STIM2: variants seen among roughly 807,000 people sequenced by gnomAD.
STIM2 encodes stromal interaction molecule 2.
STIM2 carries 31 observed loss-of-function variants against 85.8 expected under a neutral mutation model. That is an observed-to-expected ratio of 0.36 (90% confidence interval 0.27 to 0.49). The LOEUF (loss-of-function observed/expected upper bound fraction) is 0.49. STIM2 is among the 20% of genes least tolerant of loss of function. STIM2 has a pLI of 0.98. For missense variants in STIM2, 841 were observed against 927.6 expected (o/e 0.91, Z 1.21); for synonymous variants, 356 against 331.1 (o/e 1.08, Z -0.82).
At chr4:26,971,601 A>G (rs1056812534) in intron 3 of STIM2, among the ~76,000 whole-genome samples, 14 of 152,278 alleles carry the variant, frequency 9.2e-5, no homozygotes, top group African/African-American at 2.4e-4. Context: ...CCATTGGTCT[A>G]TATATCTGCT....
intron 1 of STIM2, among the ~76,000 whole-genome samples, chr4:26,911,290 A>G (rs1724330319): frequency 2.0e-5 from 3 of 152,152 alleles, no homozygotes; most frequent in South Asian, 2.1e-4. Flanking sequence ...AAAATGAAAT[A>G]AAACATTTGA....
chr4:26,877,627 T>G (rs956375754), intron 1 of STIM2, among the ~76,000 whole-genome samples: 5 of 152,074 alleles, frequency 3.3e-5, no homozygotes, highest in Non-Finnish European at 1.5e-5. Context: ...GTAGGTTGAG[T>G]TAGTTTTGTC....
chr4:26,978,243 T>C (rs1033210363), intron 3 of STIM2, among the ~76,000 whole-genome samples: 1 of 148,588 alleles, frequency 6.7e-6, no homozygotes, highest in African/African-American at 2.4e-5. Context: ...TATACATATA[T>C]ACACATATAT....
intron 1 of STIM2, among the ~76,000 whole-genome samples, chr4:26,917,592 T>C (rs982949188): frequency 1.1e-4 from 16 of 152,174 alleles, no homozygotes; most frequent in African/African-American, 3.9e-4. Flanking sequence ...ATTACCAATT[T>C]TATTTTCCTA....
chr4:26,943,372 A>C (rs1205689462), intron 2 of STIM2, among the ~76,000 whole-genome samples: 1 of 152,168 alleles, frequency 6.6e-6, no homozygotes, highest in East Asian at 1.9e-4. Flanking sequence ...GTGTATGTTT[A>C]GTATCATGAA....
chr4:26,969,262 G>A lies in STIM2; in HGVS notation c.397+11536G>A, dbSNP rs555805831. 1.2e-4 allele frequency among the ~76,000 whole-genome samples: 18 copies of A among 152,312 alleles called. No homozygotes were observed. The South Asian group carries it at 3.7e-3, about 32-fold the overall frequency. On this transcript the variant is annotated intron_variant, in intron 3 of 11. Coordinates refer to ENST00000467087, the MANE Select transcript of STIM2 (RefSeq NM_020860.4). Reference sequence around the variant, plus strand: ...AACAATGTCTTGAACTTTGTGGAAGGGGATGGAGGCGGGTTGGGGAAAGTG... The same window carrying A: ...AACAATGTCTTGAACTTTGTGGAAGAGGATGGAGGCGGGTTGGGGAAAGTG...
chr4:26,869,391 G>A (rs1161501427), intron 1 of STIM2, among the ~76,000 whole-genome samples: 5 of 151,916 alleles, frequency 3.3e-5, no homozygotes, highest in African/African-American at 1.2e-4. Context: ...GAGGGTTAAA[G>A]TGAGAAAGCC....
At chr4:26,875,244 A>G (rs188115522) in intron 1 of STIM2, among the ~76,000 whole-genome samples, 252 of 152,312 alleles carry the variant, frequency 1.7e-3, no homozygotes, top group African/African-American at 5.6e-3. Flanking sequence ...CATATGCTAT[A>G]TAGTATTTTT....
At position 26,885,821 on chromosome 4, in the gene STIM2, T is replaced by TTATATATATATA. The variant is rs56851120; in HGVS notation, c.151+24494_151+24505dup. Among the ~76,000 whole-genome samples, 137 of 84,544 alleles carry TTATATATATATA rather than the reference T, an allele frequency of 1.6e-3. 1 individual carries two copies. Among genetic ancestry groups the TTATATATATATA allele is most frequent in the Non-Finnish European group, 2.5e-3 (95 of 37,494 alleles). The allele number at this position is 84,544 out of a possible 152,430, so 55.5% of individuals were successfully genotyped here. A position where few individuals can be genotyped will look rare whatever the true frequency, so the allele number is the denominator to read the frequency against. ...ATGAAGCCAAATTTAGCACCTCAGG[T>TTATATATATATA]TATATATATATATATATATATATAT... On this transcript the variant is annotated intron_variant, in intron 1 of 11. Coordinates refer to ENST00000467087, the MANE Select transcript of STIM2 (RefSeq NM_020860.4).
chr4:26,958,867 G>A (rs1174710419), intron 3 of STIM2, among the ~76,000 whole-genome samples: 3 of 152,122 alleles, frequency 2.0e-5, no homozygotes, highest in Non-Finnish European at 4.4e-5. Flanking sequence ...GAAGGGAGGT[G>A]GAGATCCATT....
chr4:26,933,707 C>T (rs1447027310), intron 2 of STIM2, among the ~76,000 whole-genome samples: 1 of 128,836 alleles, frequency 7.8e-6, no homozygotes, highest in African/African-American at 3.1e-5. Flanking sequence ...GGAGACTAGC[C>T]TGGGCAGTAT....
At chr4:27,017,633 CTT>C in intron 10 of STIM2, 76 bp from the exon 11 acceptor site, 2 of 1,546,790 alleles carry the variant, frequency 1.3e-6, no homozygotes, top group Non-Finnish European at 1.8e-6. Flanking sequence ...CATCAGTTCT[CTT>C]GTGTGTATGT....
chr4:26,965,642 C>G (rs1726688633), intron 3 of STIM2, among the ~76,000 whole-genome samples: 3 of 152,006 alleles, frequency 2.0e-5, no homozygotes. Context: ...TTCTCTTTCT[C>G]TTTTTGTTTT....
Position 26,978,639 on chromosome 4 carries a change from T to A in STIM2, c.398-16740T>A, listed in dbSNP as rs772043587. Among the ~76,000 whole-genome samples the A allele has an allele frequency of 2.1e-3, 312 of 152,172 alleles. 1 individual carries two copies. The highest frequency in any genetic ancestry group is 3.4e-3 in the Non-Finnish European group (234 of 68,032). ...AGAGAAATGCCAGAAAGTAACTGGC[T>A]TAGGTCTTGTGGCCAAATCTAGATC... On this transcript the variant is annotated intron_variant, in intron 3 of 11. Coordinates refer to ENST00000467087, the MANE Select transcript of STIM2 (RefSeq NM_020860.4).
intron 7 of STIM2, 79 bp downstream of exon 7, chr4:27,003,183 G>T: frequency 7.3e-7 from 1 of 1,363,526 alleles, no homozygotes; most frequent in South Asian, 1.5e-5. Context: ...TTTTTCTTCA[G>T]TTTCCTACAT....
At chr4:26,871,117 A>G (rs1722595158) in intron 1 of STIM2, among the ~76,000 whole-genome samples, 1 of 152,210 alleles carries the variant, frequency 6.6e-6, no homozygotes, top group East Asian at 1.9e-4. Context: ...GCCTGTTCGC[A>G]GTGCAGCAGC....
chr4:27,010,678 T>A (rs1294596397), intron 10 of STIM2, among the ~76,000 whole-genome samples: 1 of 150,376 alleles, frequency 6.6e-6, no homozygotes, highest in Non-Finnish European at 1.5e-5. Flanking sequence ...GCAGTTAAAA[T>A]TTTTTTTTTA....
intron 1 of STIM2, among the ~76,000 whole-genome samples, chr4:26,906,339 T>C (rs1724123479): frequency 6.6e-6 from 1 of 152,024 alleles, no homozygotes; most frequent in Non-Finnish European, 1.5e-5. Context: ...GCCTATTACC[T>C]GGGTATTATG....
chr4:26,891,716 A>G (rs1025063951), intron 1 of STIM2, among the ~76,000 whole-genome samples: 5 of 152,174 alleles, frequency 3.3e-5, no homozygotes, highest in African/African-American at 1.2e-4. Context: ...AAAGAGGCCT[A>G]CTAGACATTC....
Sources: gnomAD v4.1 joint callset for allele counts (sites outside exome capture counted in the v4.1 genomes callset) on GRCh38, gnomAD v4.1.1 for gene constraint, MANE v1.5 for transcripts, NCBI Gene and HGNC (gene_info 2026-07-23, HGNC 2026-07-21) for gene names.